Variants in KITLG observed in about 807,000 individuals in gnomAD.
KITLG encodes KIT ligand, also known as c-Kit ligand.
A neutral mutation model predicts 34.1 loss-of-function variants in KITLG; 13 were observed. That is an observed-to-expected ratio of 0.38 (90% CI 0.25 to 0.61). The LOEUF is 0.61. Ranked by LOEUF, KITLG falls within the 20% of genes least tolerant of loss-of-function variation. KITLG has a pLI of 0.60. For synonymous variants in KITLG, 110 were observed against 104.0 expected, an observed-to-expected ratio of 1.06 and a Z score of -0.35; for missense variants, 292 against 318.9, an observed-to-expected ratio of 0.92 and a Z score of 0.64.
chr12:88,555,849 A>T lies in KITLG; in HGVS notation c.16-9984T>A, dbSNP rs181036392. Among the ~76,000 whole-genome samples, 472 of 152,340 alleles carry T rather than the reference A, an allele frequency of 3.1e-3. 3 individuals are homozygous for T. Among genetic ancestry groups the T allele is most frequent in the African/African-American group, 0.011 (444 of 41,584 alleles). On this transcript the variant is annotated intron_variant, in intron 1 of 9. Coordinates refer to ENST00000644744, the MANE Select transcript of KITLG (RefSeq NM_000899.5). ...TGTATGGAGTATCTAATAAATACAT[A>T]AGATAAAGACAGAAAGACTATGATC...
intron 8 of KITLG, among the ~76,000 whole-genome samples, chr12:88,505,798 A>G (rs932672211): frequency 2.6e-5 from 4 of 152,210 alleles, no homozygotes; most frequent in Non-Finnish European, 5.9e-5. Context: ...CACACTATGA[A>G]CCAGGGTTTA....
intron 1 of KITLG, among the ~76,000 whole-genome samples, chr12:88,566,637 G>A (rs537617582): frequency 1.3e-5 from 2 of 152,278 alleles, no homozygotes; most frequent in African/African-American, 2.4e-5. Context: ...ATTGTACATA[G>A]TTAGGTGACG....
intron 9 of KITLG, among the ~76,000 whole-genome samples, chr12:88,498,408 T>A (rs1022115677): frequency 2.0e-5 from 3 of 152,042 alleles, no homozygotes; most frequent in Non-Finnish European, 4.4e-5. Flanking sequence ...ATTTAGGAAA[T>A]CAGAATTAAA....
chr12:88,556,519 C>T (rs1207927994), intron 1 of KITLG, among the ~76,000 whole-genome samples: 1 of 152,022 alleles, frequency 6.6e-6, no homozygotes, highest in Non-Finnish European at 1.5e-5. Context: ...TGAACACGTT[C>T]AACAGGATAT....
chr12:88,577,641 CAG>C (rs3990709), intron 1 of KITLG, among the ~76,000 whole-genome samples: 102,356 of 151,950 alleles, frequency 0.67, 38,469 homozygotes, highest in Middle Eastern at 0.86. Flanking sequence ...TAAAATCAAA[CAG>C]AAATCTGAAA....
chr12:88,507,673 T>A (rs771522206), intron 6 of KITLG, among the ~76,000 whole-genome samples: 37 of 152,188 alleles, frequency 2.4e-4, no homozygotes, highest in Admixed American at 6.5e-4. Context: ...CACGTTCATA[T>A]CTTCAACACA....
chr12:88,578,286 C>T (rs973582189), intron 1 of KITLG, among the ~76,000 whole-genome samples: 1 of 152,154 alleles, frequency 6.6e-6, no homozygotes, highest in Admixed American at 6.5e-5. Context: ...TCATTAGATC[C>T]TAGGCAATGA....
At chr12:88,548,440 C>A (rs1870789838) in intron 1 of KITLG, among the ~76,000 whole-genome samples, 1 of 135,482 alleles carries the variant, frequency 7.4e-6, no homozygotes, top group Admixed American at 8.3e-5. Flanking sequence ...GCGACAAAAG[C>A]TAGACTACAT....
chr12:88,540,222 T>A (rs1471579964), intron 2 of KITLG, among the ~76,000 whole-genome samples: 2 of 152,072 alleles, frequency 1.3e-5, no homozygotes, highest in African/African-American at 2.4e-5. Context: ...CAATGATAAT[T>A]CATTAATTGT....
chr12:88,555,555 T>A (rs1057494716), intron 1 of KITLG, among the ~76,000 whole-genome samples: 1 of 152,108 alleles, frequency 6.6e-6, no homozygotes, highest in Non-Finnish European at 1.5e-5. Context: ...TTTTAAAGGG[T>A]CATGTTACAG....
intron 3 of KITLG, among the ~76,000 whole-genome samples, chr12:88,524,963 C>CT (rs958482082): frequency 2.0e-5 from 3 of 152,126 alleles, no homozygotes; most frequent in African/African-American, 4.8e-5. Flanking sequence ...AAACGGTGAA[C>CT]TTTCCCTGTA....
In KITLG at chr12:88,515,576, CAG is replaced by C. The variant is rs1248911935; in HGVS notation, c.560_561del (p.Pro187ArgfsTer7). ...VSVTKPFMLP[P>X]VAASSLRNDS... ...TCATTCCTAAGGGAGCTGGCTGCAA[CAG>C]GGGGTAACATAAATGGTTTTGTGAC... On this transcript the variant is annotated frameshift_variant, in exon 6 of 10. Coordinates refer to ENST00000644744, the MANE Select transcript of KITLG (RefSeq NM_000899.5). LOFTEE classifies it high-confidence loss of function. 6.2e-7 allele frequency: 1 copy of C among 1,610,888 alleles called. No homozygotes were observed. Among genetic ancestry groups the C allele is most frequent in the East Asian group, 2.2e-5 (1 of 44,766 alleles).
intron 1 of KITLG, among the ~76,000 whole-genome samples, chr12:88,568,325 T>TTTA (rs1566036804): frequency 2.7e-4 from 38 of 139,758 alleles, no homozygotes; most frequent in African/African-American, 9.9e-4. Context: ...TTATTTATTT[T>TTTA]ATTTATAATA....
At chr12:88,530,131 G>A (rs1453838173) in intron 3 of KITLG, among the ~76,000 whole-genome samples, 2 of 152,238 alleles carry the variant, frequency 1.3e-5, no homozygotes, top group East Asian at 3.9e-4. Context: ...GGTTATCTTT[G>A]GGTGCTTGGC....
chr12:88,509,517 C>A (rs894671222), intron 6 of KITLG, among the ~76,000 whole-genome samples: 2 of 152,142 alleles, frequency 1.3e-5, no homozygotes, highest in South Asian at 2.1e-4. Flanking sequence ...GTTGACAGTT[C>A]CATCCCTAAG....
At chr12:88,568,890 T>C (rs933265105) in intron 1 of KITLG, among the ~76,000 whole-genome samples, 1 of 152,188 alleles carries the variant, frequency 6.6e-6, no homozygotes, top group Admixed American at 6.5e-5. Flanking sequence ...CAAAGTATTA[T>C]TCTTCCATTT....
intron 6 of KITLG, among the ~76,000 whole-genome samples, chr12:88,511,091 C>T (rs1869261526): frequency 2.0e-5 from 3 of 152,032 alleles, no homozygotes; most frequent in Admixed American, 2.0e-4. Context: ...AAAAAAGAAA[C>T]AGTGAACAAA....
chr12:88,500,774 G>C (rs2120785591), intron 9 of KITLG, among the ~76,000 whole-genome samples: 1 of 152,214 alleles, frequency 6.6e-6, no homozygotes, highest in Admixed American at 6.6e-5. Flanking sequence ...ACACACTTCA[G>C]TTAATTTTTT....
chr12:88,520,389 A>G (rs1200799590), intron 3 of KITLG, among the ~76,000 whole-genome samples: 1 of 152,200 alleles, frequency 6.6e-6, no homozygotes, highest in East Asian at 1.9e-4. Context: ...ATCAACAATG[A>G]ACAGATTTCC....
Sources: allele counts gnomAD v4.1 joint callset (sites outside exome capture counted in the v4.1 genomes callset), GRCh38; gene constraint gnomAD v4.1.1; transcripts MANE v1.5; gene names NCBI Gene and HGNC (gene_info 2026-07-23, HGNC 2026-07-21).